TGFBRAP1: variants seen among roughly 807,000 people sequenced by gnomAD.
TGFBRAP1 encodes transforming growth factor beta receptor associated protein 1, also known as transforming growth factor-beta receptor-associated protein 1.
Under a neutral mutation model 83.2 loss-of-function variants are expected in TGFBRAP1, and 20 were observed. The observed-to-expected ratio is 0.24, with a 90% CI of 0.17 to 0.35. The LOEUF (loss-of-function observed/expected upper bound fraction) is 0.35. Ranked by LOEUF, TGFBRAP1 falls within the 10% of genes least tolerant of loss-of-function variation. The pLI is 1.00. For missense variants in TGFBRAP1, 950 were observed against 1,099.4 expected (o/e 0.86, Z 1.92); for synonymous variants, 415 against 459.8 (o/e 0.90, Z 1.25).
intron 4 of TGFBRAP1, among the ~76,000 whole-genome samples, chr2:105,295,809 CAA>C (rs368369527): frequency 0.16 from 11,800 of 74,410 alleles, 387 homozygotes; most frequent in Middle Eastern, 0.27. Flanking sequence ...GACTCCATCT[CAA>C]AAAAAAAAAA....
chr2:105,316,469 G>A (rs548300072), intron 1 of TGFBRAP1, among the ~76,000 whole-genome samples: 53 of 67,066 alleles, frequency 7.9e-4, no homozygotes, highest in South Asian at 2.7e-3. Context: ...GTGTGCGCGC[G>A]CGCGCGCGCG....
the TGFBRAP1 span, among the ~76,000 whole-genome samples, chr2:105,254,903 T>C: frequency 8.5e-4 from 130 of 152,234 alleles, no homozygotes; most frequent in Non-Finnish European, 4.7e-4. Context: ...AAAGGGGCCA[T>C]CTGAAGCCAG....
Position 105,269,342 on chromosome 2 carries a change from T to C in TGFBRAP1, c.2336A>G (p.His779Arg), listed in dbSNP as rs1213537121. 4 of 1,614,040 alleles carry C rather than the reference T, an allele frequency of 2.5e-6. No homozygotes were observed. The highest frequency in any genetic ancestry group is 3.4e-6 in the Non-Finnish European group (4 of 1,179,960). Residue 779 changes from histidine to arginine, a missense_variant, in exon 11 of 12, where the codon CAT becomes CGT. Coordinates refer to ENST00000393359, the MANE Select transcript of TGFBRAP1 (RefSeq NM_004257.6). The surrounding 1 kb of genome is among the most constrained non-coding windows in gnomAD (Gnocchi z 4.1). ...FLMGAMRDSI[H>R]ARRTMQVALG... ...AGCCACCTGCATGGTCCTCCTGGCA[T>C]GGATGCTGTCCCTCATGGCCCCCAT... is the stretch of plus-strand genomic sequence containing the variant.
chr2:105,299,033 T>C (rs1362827975), intron 2 of TGFBRAP1, among the ~76,000 whole-genome samples: 3 of 152,072 alleles, frequency 2.0e-5, no homozygotes, highest in African/African-American at 7.2e-5. Context: ...AATCCCAACA[T>C]GTTGGGAGAC....
At chr2:105,304,274 A>G (rs2104387118) in intron 2 of TGFBRAP1, among the ~76,000 whole-genome samples, 1 of 152,326 alleles carries the variant, frequency 6.6e-6, no homozygotes, top group East Asian at 1.9e-4. Context: ...TGATGTGTAT[A>G]AACTGAGAGT....
At chr2:105,274,138 C>T (rs1379674926) in intron 8 of TGFBRAP1, among the ~76,000 whole-genome samples, 1 of 152,210 alleles carries the variant, frequency 6.6e-6, no homozygotes, top group Non-Finnish European at 1.5e-5. Flanking sequence ...AAACTCACTT[C>T]TCTGAACATG....
chr2:105,322,057 G>A (rs368413067), intron 1 of TGFBRAP1, among the ~76,000 whole-genome samples: 4 of 152,106 alleles, frequency 2.6e-5, no homozygotes, highest in East Asian at 1.9e-4. Flanking sequence ...TACTGCCCCC[G>A]AAGACCTTCC....
At position 105,266,876 on chromosome 2, in the gene TGFBRAP1, G is replaced by A. The variant is rs1676954418; in HGVS notation, c.*507C>T. ...GGCCCATGAGTGAGCGGCGTGGATG[G>A]AGAACGTGTTTCTGCAGGAGGGCAA... On this transcript the variant is annotated 3_prime_UTR_variant, in exon 12 of 12. Transcript: ENST00000393359. 1 of 153,596 alleles carries A rather than the reference G, an allele frequency of 6.5e-6. No homozygotes were observed. The highest frequency in any genetic ancestry group is 1.4e-5 in the Non-Finnish European group (1 of 68,966). The allele number at this position is 153,596 out of a possible 1,614,324, so 9.5% of individuals were successfully genotyped here. A position where few individuals can be genotyped will look rare whatever the true frequency, so the allele number is the denominator to read the frequency against.
intron 3 of TGFBRAP1, among the ~76,000 whole-genome samples, chr2:105,297,454 G>A (rs1035291460): frequency 2.0e-5 from 3 of 152,272 alleles, no homozygotes; most frequent in East Asian, 1.9e-4. Flanking sequence ...TGACCCCAGC[G>A]CATGCGCCAG....
chr2:105,276,854 G>A (rs1012360279), intron 7 of TGFBRAP1, among the ~76,000 whole-genome samples: 29 of 152,156 alleles, frequency 1.9e-4, no homozygotes, highest in Admixed American at 1.9e-3. Context: ...CTAAATACAT[G>A]TTCAGCCTTG....
At chr2:105,250,745 A>C in the TGFBRAP1 span, among the ~76,000 whole-genome samples, 2 of 150,938 alleles carry the variant, frequency 1.3e-5, no homozygotes, top group Non-Finnish European at 3.0e-5. Flanking sequence ...GCTCACTGCA[A>C]CCTCCCTGCC....
intron 1 of TGFBRAP1, among the ~76,000 whole-genome samples, chr2:105,326,148 A>C (rs1354017233): frequency 6.6e-6 from 1 of 152,186 alleles, no homozygotes; most frequent in African/African-American, 2.4e-5. Flanking sequence ...GGGCAATACT[A>C]ATCAAAATTA....
chr2:105,319,235 ATTTTTAGTAGAGACGGGAATC>A (rs1315659916), intron 1 of TGFBRAP1, among the ~76,000 whole-genome samples: 1 of 151,870 alleles, frequency 6.6e-6, no homozygotes, highest in African/African-American at 2.4e-5. Context: ...TAATTTTTGC[ATTTTTAGTAGAGACGGGAATC>A]TCACCATGTT....
chr2:105,284,649 C>T (rs1054009074), intron 4 of TGFBRAP1, among the ~76,000 whole-genome samples: 3 of 152,180 alleles, frequency 2.0e-5, no homozygotes, highest in African/African-American at 7.2e-5. Flanking sequence ...AGGGCTTCAA[C>T]GAGTCCCTGT....
At chr2:105,257,206 G>A in the TGFBRAP1 span, among the ~76,000 whole-genome samples, 1 of 152,042 alleles carries the variant, frequency 6.6e-6, no homozygotes, top group East Asian at 1.9e-4. Context: ...CCTCTCTTGG[G>A]GTCTGGATCC....
intron 3 of TGFBRAP1, 90 bp downstream of exon 3, chr2:105,298,421 C>A: frequency 1.4e-6 from 2 of 1,393,126 alleles, no homozygotes; most frequent in Admixed American, 2.2e-5. Context: ...TTATGCTTAG[C>A]GCAAGGCCCA....
At chr2:105,261,039 G>A (rs567534893), downstream of TGFBRAP1, among the ~76,000 whole-genome samples, 1 of 152,180 alleles carries the variant, frequency 6.6e-6, no homozygotes. Flanking sequence ...AGTAAGTTTA[G>A]GATTTCAGTT....
chr2:105,298,405 T>C lies in TGFBRAP1; in HGVS notation c.883+106A>G. On this transcript the variant is annotated intron_variant, in intron 3 of 11. Coordinates refer to ENST00000393359, the MANE Select transcript of TGFBRAP1 (RefSeq NM_004257.6). ...AGAGACTGTATTGGAGTCATCTGTGTATCTTTTATGCTTAGCGCAAGGCCC... is the reference window on the plus strand; with the variant it reads ...AGAGACTGTATTGGAGTCATCTGTGCATCTTTTATGCTTAGCGCAAGGCCC... 3 of 1,238,804 alleles carry C rather than the reference T, an allele frequency of 2.4e-6. No individual in the cohort carries two copies. The South Asian group carries it at 4.6e-5, about 19-fold the overall frequency. The allele number at this position is 1,238,804 out of a possible 1,614,324, so 76.7% of individuals were successfully genotyped here. A position where few individuals can be genotyped will look rare whatever the true frequency, so the allele number is the denominator to read the frequency against.
the TGFBRAP1 span, among the ~76,000 whole-genome samples, chr2:105,252,303 A>C: frequency 6.6e-6 from 1 of 152,232 alleles, no homozygotes; most frequent in Non-Finnish European, 1.5e-5. Context: ...TTAAAAATGC[A>C]CAAGGAACAA....
Sources: allele counts gnomAD v4.1 joint callset (sites outside exome capture counted in the v4.1 genomes callset), GRCh38; gene constraint gnomAD v4.1.1; non-coding constraint Gnocchi (gnomAD v3.1); transcripts MANE v1.5; gene names NCBI Gene and HGNC (gene_info 2026-07-23, HGNC 2026-07-21).